Variants in MAGI2 observed in about 807,000 individuals in gnomAD.
The protein encoded by MAGI2 is membrane associated guanylate kinase, WW and PDZ domain containing 2, also known as membrane-associated guanylate kinase, WW and PDZ domain-containing protein 2.
In MAGI2, 35 loss-of-function variants were observed where a neutral mutation model predicts 133.3. The observed-to-expected ratio is 0.26, with a 90% CI of 0.20 to 0.35. The LOEUF (loss-of-function observed/expected upper bound fraction) is 0.35. Ranked by LOEUF, MAGI2 falls within the 10% of genes least tolerant of loss-of-function variation. The pLI, the probability that MAGI2 is intolerant of heterozygous loss-of-function variation, is 1.00. For synonymous variants in MAGI2, 729 were observed against 710.6 expected (o/e 1.03, Z -0.41); for missense variants, 1,636 against 1,863.4 (o/e 0.88, Z 2.25).
At chr7:78,464,144 A>G (rs1371605753) in intron 6 of MAGI2, among the ~76,000 whole-genome samples, 1 of 152,152 alleles carries the variant, frequency 6.6e-6, no homozygotes, top group Non-Finnish European at 1.5e-5. Context: ...CACCACCACC[A>G]TCATTATCCT....
chr7:78,992,605 G>A (rs948205474), intron 2 of MAGI2, among the ~76,000 whole-genome samples: 1 of 151,786 alleles, frequency 6.6e-6, no homozygotes, highest in African/African-American at 2.4e-5. Context: ...TTTTATTTTT[G>A]TATCAGAAAA....
chr7:78,441,128 G>C (rs1000877066), intron 6 of MAGI2, among the ~76,000 whole-genome samples: 2 of 152,100 alleles, frequency 1.3e-5, no homozygotes, highest in Admixed American at 6.6e-5. Flanking sequence ...ATGAAACATA[G>C]TTCCTGACTT....
chr7:79,257,553 C>T (rs546418902), intron 1 of MAGI2, among the ~76,000 whole-genome samples: 2 of 152,186 alleles, frequency 1.3e-5, no homozygotes, highest in East Asian at 3.9e-4. Context: ...TAGTGTTCTG[C>T]GTTGGAGAAA....
At chr7:78,558,837 GTT>G (rs10691115) in intron 3 of MAGI2, among the ~76,000 whole-genome samples, 41,533 of 129,780 alleles carry the variant, frequency 0.32, 7,267 homozygotes, top group Non-Finnish European at 0.43. Context: ...TTGAGACACC[GTT>G]TTTTTTTTTT....
At chr7:78,637,544 T>A (rs1044683632) in intron 2 of MAGI2, among the ~76,000 whole-genome samples, 2 of 151,808 alleles carry the variant, frequency 1.3e-5, no homozygotes, top group African/African-American at 2.4e-5. Context: ...AAGTAAGAAA[T>A]AATAGCATTG....
chr7:79,305,934 C>T (rs1013353669), intron 1 of MAGI2, among the ~76,000 whole-genome samples: 1 of 151,070 alleles, frequency 6.6e-6, no homozygotes, highest in Admixed American at 6.6e-5. Context: ...TCTAAAACTC[C>T]TTTGGTGAGG....
At chr7:79,381,373 A>T (rs1843765579) in intron 1 of MAGI2, among the ~76,000 whole-genome samples, 1 of 151,756 alleles carries the variant, frequency 6.6e-6, no homozygotes, top group South Asian at 2.1e-4. Context: ...AACTCAGTTC[A>T]TATGCTATAG....
At chr7:79,056,990 G>T (rs1472675006) in intron 1 of MAGI2, among the ~76,000 whole-genome samples, 1 of 152,122 alleles carries the variant, frequency 6.6e-6, no homozygotes, top group African/African-American at 2.4e-5. Flanking sequence ...TACTATTTCA[G>T]AAATCTGAAG....
intron 1 of MAGI2, among the ~76,000 whole-genome samples, chr7:79,218,524 C>A (rs1830206156): frequency 6.6e-6 from 1 of 151,956 alleles, no homozygotes; most frequent in African/African-American, 2.4e-5. Context: ...AAGAATTAAC[C>A]AAAGTGATAC....
Position 78,264,524 on chromosome 7 carries a change from C to T in MAGI2, c.1409-7943G>A, listed in dbSNP as rs533707523. Among the ~76,000 whole-genome samples the T allele has an allele frequency of 2.6e-5, 4 of 152,204 alleles. No homozygotes were observed. In the East Asian group the frequency reaches 5.8e-4, roughly 22 times the overall value. Reference sequence around the variant, plus strand: ...AGCAGATAATTGCAAACAGGGGAATCGGGGAATCCACTGTATTTGCTAGGT... The same window carrying T: ...AGCAGATAATTGCAAACAGGGGAATTGGGGAATCCACTGTATTTGCTAGGT... On this transcript the variant is annotated intron_variant, in intron 9 of 21. Transcript: ENST00000354212.
intron 9 of MAGI2, among the ~76,000 whole-genome samples, chr7:78,301,702 C>T (rs1490893292): frequency 1.3e-5 from 2 of 152,196 alleles, no homozygotes; most frequent in Non-Finnish European, 2.9e-5. Flanking sequence ...AAGTCTTATG[C>T]TAGCTTCCTG....
At chr7:78,054,952 C>T (rs1258329996) in intron 21 of MAGI2, among the ~76,000 whole-genome samples, 4 of 151,882 alleles carry the variant, frequency 2.6e-5, no homozygotes, top group African/African-American at 7.3e-5. Context: ...TATGGTTGAC[C>T]TTAACCTTAT....
intron 9 of MAGI2, among the ~76,000 whole-genome samples, chr7:78,313,297 A>T (rs1404207498): frequency 6.6e-6 from 1 of 152,136 alleles, no homozygotes; most frequent in African/African-American, 2.4e-5. Context: ...TCACCACTGC[A>T]ATATATCTAT....
chr7:78,241,784 A>T (rs76391954), intron 10 of MAGI2, among the ~76,000 whole-genome samples: 1 of 151,874 alleles, frequency 6.6e-6, no homozygotes, highest in Non-Finnish European at 1.5e-5. Flanking sequence ...AATAAAAAAA[A>T]TTAGCAGGGT....
chr7:79,291,888 T>C (rs1023902200), intron 1 of MAGI2, among the ~76,000 whole-genome samples: 1 of 152,174 alleles, frequency 6.6e-6, no homozygotes, highest in Non-Finnish European at 1.5e-5. Flanking sequence ...CTTGATGGTG[T>C]CCTATAAAGC....
At chr7:78,497,441 T>C (rs1794189544) in intron 5 of MAGI2, among the ~76,000 whole-genome samples, 1 of 152,216 alleles carries the variant, frequency 6.6e-6, no homozygotes, top group African/African-American at 2.4e-5. Context: ...CCTGCTAGTT[T>C]ACCAGGGTTG....
intron 1 of MAGI2, among the ~76,000 whole-genome samples, chr7:79,404,204 T>C (rs914065674): frequency 2.0e-5 from 3 of 152,156 alleles, no homozygotes; most frequent in Admixed American, 1.3e-4. Flanking sequence ...GCCTCTTATA[T>C]AGTCTTATTA....
At chr7:78,562,076 T>A (rs1800465542) in intron 3 of MAGI2, among the ~76,000 whole-genome samples, 1 of 152,156 alleles carries the variant, frequency 6.6e-6, no homozygotes, top group African/African-American at 2.4e-5. Flanking sequence ...TCCATGGAGT[T>A]CACAGAAGGG....
chr7:78,621,543 A>C (rs2150940459), intron 3 of MAGI2, among the ~76,000 whole-genome samples: 1 of 152,142 alleles, frequency 6.6e-6, no homozygotes, highest in South Asian at 2.1e-4. Context: ...ATTCACATGC[A>C]AGGCTATTCA....
Sources: gnomAD v4.1 joint callset for allele counts (sites outside exome capture counted in the v4.1 genomes callset) on GRCh38, gnomAD v4.1.1 for gene constraint, MANE v1.5 for transcripts, NCBI Gene and HGNC (gene_info 2026-07-23, HGNC 2026-07-21) for gene names.